SLC2A9: variants seen among roughly 807,000 people sequenced by gnomAD.
SLC2A9 encodes solute carrier family 2 member 9.
A neutral mutation model predicts 50.6 loss-of-function variants in SLC2A9; 39 were observed. The ratio of observed to expected loss-of-function variants is 0.77; its 90% CI spans 0.60 to 1.01. The LOEUF is 1.01. Ranked by LOEUF, SLC2A9 falls within the 50% of genes least tolerant of loss-of-function variation. SLC2A9 has a pLI of 0.00. For synonymous variants in SLC2A9, 324 were observed against 276.9 expected (o/e 1.17, Z -1.69); for missense variants, 686 against 677.6 (o/e 1.01, Z -0.14).
intron 10 of SLC2A9, among the ~76,000 whole-genome samples, chr4:9,852,300 C>A (rs1001212536): frequency 6.6e-6 from 1 of 150,528 alleles, no homozygotes. Flanking sequence ...GGCCGGACTG[C>A]GGACTGCAGT....
downstream of SLC2A9, among the ~76,000 whole-genome samples, chr4:9,778,379 C>A (rs1717860834): frequency 6.6e-6 from 1 of 152,146 alleles, no homozygotes; most frequent in African/African-American, 2.4e-5. Context: ...TTCAGCCTCC[C>A]AAAGTACTGG....
intron 10 of SLC2A9, among the ~76,000 whole-genome samples, chr4:9,855,887 G>T (rs968341947): frequency 6.6e-6 from 1 of 152,186 alleles, no homozygotes; most frequent in Non-Finnish European, 1.5e-5. Flanking sequence ...AATAAATGGT[G>T]CTGGGATAAT....
intron 10 of SLC2A9, among the ~76,000 whole-genome samples, chr4:9,847,529 C>G (rs560454370): frequency 6.6e-6 from 1 of 152,194 alleles, no homozygotes; most frequent in African/African-American, 2.4e-5. Flanking sequence ...ATGATTACGG[C>G]GATTCCTCTT....
At chr4:9,775,314 C>A (rs189585860), downstream of SLC2A9, among the ~76,000 whole-genome samples, 1 of 152,128 alleles carries the variant, frequency 6.6e-6, no homozygotes, top group Admixed American at 6.5e-5. Flanking sequence ...GTGGCAGCTG[C>A]GAGCCTCCTC....
chr4:9,981,973 C>T (rs1018839764), intron 4 of SLC2A9, among the ~76,000 whole-genome samples: 1 of 152,096 alleles, frequency 6.6e-6, no homozygotes. Context: ...CTTCCACCTC[C>T]CGGGTTCAAG....
downstream of SLC2A9, among the ~76,000 whole-genome samples, chr4:9,797,125 G>T (rs1444804017): frequency 6.6e-6 from 1 of 152,194 alleles, no homozygotes; most frequent in Non-Finnish European, 1.5e-5. Flanking sequence ...GGATTCTAGA[G>T]ATGAATCACA....
rs776223445 is a variant in SLC2A9 at position 9,996,900 on chromosome 4, A to T, written c.291T>A (p.His97Gln). ...AFYNESWERRHGRPIDPDTLT... is the reference protein window; with the variant it reads ...AFYNESWERRQGRPIDPDTLT... ...GAGTGTCTGGGTCTATTGGACGTCCATGCCTTCTTTCCCATGACTCATTGT... is the reference window on the plus strand; with the variant it reads ...GAGTGTCTGGGTCTATTGGACGTCCTTGCCTTCTTTCCCATGACTCATTGT... Residue 97 changes from histidine (H) to glutamine (Q), a missense_variant, in exon 3 of 12, where the codon CAT becomes CAA. By Grantham distance (24) the His-to-Gln change is conservative. Coordinates refer to ENST00000264784, the MANE Select transcript of SLC2A9 (RefSeq NM_020041.3). 2 of 1,614,074 alleles carry T rather than the reference A, an allele frequency of 1.2e-6. No homozygotes were observed. Among genetic ancestry groups the T allele is most frequent in the African/African-American group, 2.7e-5 (2 of 74,950 alleles).
At chr4:9,993,617 G>A (rs150609399) in intron 3 of SLC2A9, among the ~76,000 whole-genome samples, 207 of 152,150 alleles carry the variant, frequency 1.4e-3, no homozygotes, top group African/African-American at 4.9e-3. Context: ...AGCTGGGCCC[G>A]TAGCTAGTGT....
intron 7 of SLC2A9, among the ~76,000 whole-genome samples, chr4:9,909,054 G>A (rs911252782): frequency 1.3e-5 from 2 of 152,128 alleles, no homozygotes; most frequent in African/African-American, 4.8e-5. Context: ...TACACAAAAC[G>A]CTTTACTGTC....
Position 9,941,973 on chromosome 4 carries a change from G to C in SLC2A9, c.754C>G (p.Leu252Val), listed in dbSNP as rs904024883. 1.9e-6 allele frequency: 3 copies of C among 1,614,106 alleles called. No homozygotes were observed. The African/African-American group carries it at 4.0e-5, about 22-fold the overall frequency. The change falls in exon 6 of 12, where the codon CTC (leucine) becomes GTC (valine). Residue 252 changes from leucine (L) to valine (V), a missense_variant. By Grantham distance (32) the Leu-to-Val change is conservative. Coordinates refer to ENST00000264784, the MANE Select transcript of SLC2A9 (RefSeq NM_020041.3). The stretch of plus-strand genomic sequence containing the variant: ...AGCAGGTAGCGTGGGCTGTCCGGGA[G>C]AAAGGGAAGGCTCAGCAGCTGGACA... The part of the protein sequence containing the change: ...AVVQLLSLPF[L>V]PDSPRYLLLE...
At chr4:9,920,620 A>G (rs1306015309) in intron 6 of SLC2A9, 48 bp from the exon 7 acceptor site, 1 of 1,608,880 alleles carries the variant, frequency 6.2e-7, no homozygotes, top group Non-Finnish European at 8.5e-7. Flanking sequence ...TAGAGTGTCC[A>G]TCATGTCTAA....
At chr4:10,027,009 A>C (rs528580960) in intron 1 of SLC2A9, among the ~76,000 whole-genome samples, 2 of 151,874 alleles carry the variant, frequency 1.3e-5, no homozygotes, top group Non-Finnish European at 2.9e-5. Flanking sequence ...TCGCCACTGC[A>C]CTCCAGCCTG....
chr4:9,860,043 C>T (rs1460131453), intron 10 of SLC2A9, among the ~76,000 whole-genome samples: 2 of 152,178 alleles, frequency 1.3e-5, no homozygotes, highest in Non-Finnish European at 2.9e-5. Flanking sequence ...TGGCTTCTTC[C>T]TGCCAGGAGA....
intron 3 of SLC2A9, among the ~76,000 whole-genome samples, chr4:9,820,333 C>A (rs1489097458): frequency 6.6e-6 from 1 of 152,132 alleles, no homozygotes; most frequent in East Asian, 1.9e-4. Context: ...TATACTTTCA[C>A]CAATATTGTA....
At chr4:9,918,601 G>A (rs919134853) in intron 7 of SLC2A9, among the ~76,000 whole-genome samples, 2 of 152,174 alleles carry the variant, frequency 1.3e-5, no homozygotes, top group African/African-American at 2.4e-5. Flanking sequence ...CTAACAGTGC[G>A]GCCTAACTCA....
intron 7 of SLC2A9, among the ~76,000 whole-genome samples, chr4:9,910,329 G>T (rs1378088304): frequency 2.0e-5 from 3 of 152,150 alleles, no homozygotes; most frequent in African/African-American, 7.2e-5. Flanking sequence ...TTGTTCTCAG[G>T]GCTGTGACAG....
downstream of SLC2A9, among the ~76,000 whole-genome samples, chr4:9,796,241 G>A (rs1344041606): frequency 6.6e-6 from 1 of 152,096 alleles, no homozygotes; most frequent in African/African-American, 2.4e-5. Context: ...CATGAACATC[G>A]ACACTCATTT....
At chr4:9,840,100 A>AT (rs1180169166) in intron 10 of SLC2A9, among the ~76,000 whole-genome samples, 1 of 152,142 alleles carries the variant, frequency 6.6e-6, no homozygotes. Context: ...AAGGTAAGTA[A>AT]TTTTTTCAAG....
intron 5 of SLC2A9, among the ~76,000 whole-genome samples, chr4:9,946,578 C>T (rs1652576468): frequency 6.6e-6 from 1 of 152,168 alleles, no homozygotes; most frequent in African/African-American, 2.4e-5. Flanking sequence ...AAGAGCAAGC[C>T]CTACCTTACA....
Sources: gnomAD v4.1 joint callset for allele counts (sites outside exome capture counted in the v4.1 genomes callset) on GRCh38, gnomAD v4.1.1 for gene constraint, MANE v1.5 for transcripts, NCBI Gene and HGNC (gene_info 2026-07-23, HGNC 2026-07-21) for gene names.